Variants in COG6 observed in about 807,000 individuals in gnomAD.
COG6 encodes the protein component of oligomeric golgi complex 6.
Under a neutral mutation model 88.8 loss-of-function variants are expected in COG6, and 74 were observed. The ratio of observed to expected loss-of-function variants is 0.83; its 90% confidence interval spans 0.69 to 1.01. The LOEUF (loss-of-function observed/expected upper bound fraction) is 1.01, where lower values mean the gene tolerates loss of function less well. Ranked by LOEUF, COG6 falls within the 50% of genes least tolerant of loss-of-function variation. The pLI, the probability that COG6 is intolerant of heterozygous loss-of-function variation, is 0.00. For synonymous variants in COG6, 286 were observed against 278.7 expected, an observed-to-expected ratio of 1.03 and a Z score of -0.26; for missense variants, 800 against 797.9, an observed-to-expected ratio of 1.00 and a Z score of -0.03.
chr13:39,734,671 A>T (rs1189644384), intron 18 of COG6, among the ~76,000 whole-genome samples: 1 of 152,120 alleles, frequency 6.6e-6, no homozygotes, highest in Non-Finnish European at 1.5e-5. Context: ...CTCTCTGGGA[A>T]GTCTGTCCAG....
At chr13:39,755,561 A>G (rs889565530), downstream of COG6, among the ~76,000 whole-genome samples, 4 of 152,258 alleles carry the variant, frequency 2.6e-5, no homozygotes, top group African/African-American at 4.8e-5. Flanking sequence ...TGAGATGTTC[A>G]TAAGGACTTT....
At chr13:39,706,255 T>TTATATATATATATATATACTCCTTTA (rs1877902819) in intron 13 of COG6, among the ~76,000 whole-genome samples, 6 of 114,672 alleles carry the variant, frequency 5.2e-5, no homozygotes, top group African/African-American at 1.3e-4. Context: ...ATATACTCCT[T>TTATATATATATATATATACTCCTTTA]TATATATATA....
chr13:39,752,277 T>A lies in COG6; in HGVS notation c.*1184T>A. ...TTGAAAAGTAATAACATAAAACTAG[T>A]ATTTGTAGAAGATTATGTGTTGTAT... On this transcript the variant is annotated 3_prime_UTR_variant, in exon 19 of 19. Transcript: ENST00000455146. 1.1e-6 allele frequency: 1 copy of A among 894,320 alleles called. No individual in the cohort carries two copies. Among genetic ancestry groups the A allele is most frequent in the Non-Finnish European group, 1.5e-6 (1 of 671,516 alleles). The allele number at this position is 894,320 out of a possible 1,614,324, so 55.4% of individuals were successfully genotyped here.
At chr13:39,752,838 T>C (rs933500265), downstream of COG6, among the ~76,000 whole-genome samples, 1 of 152,180 alleles carries the variant, frequency 6.6e-6, no homozygotes, top group Admixed American at 6.6e-5. Flanking sequence ...AACACCTAAA[T>C]TTGCTATTAC....
At chr13:39,760,040 T>G (rs532871086) in intron 18 of COG6, among the ~76,000 whole-genome samples, 1 of 152,228 alleles carries the variant, frequency 6.6e-6, no homozygotes, top group African/African-American at 2.4e-5. Flanking sequence ...TACTTAAATA[T>G]GTTCTTTGTT....
intron 18 of COG6, among the ~76,000 whole-genome samples, chr13:39,763,511 G>C (rs1365158492): frequency 3.3e-5 from 5 of 151,496 alleles, no homozygotes; most frequent in Non-Finnish European, 7.4e-5. Context: ...TTCTGTTCCT[G>C]GTGTGTCATG....
chr13:39,771,927 G>A (rs1267473148), intron 18 of COG6, among the ~76,000 whole-genome samples: 1 of 152,188 alleles, frequency 6.6e-6, no homozygotes, highest in African/African-American at 2.4e-5. Flanking sequence ...AAGGGTGCAA[G>A]GTAGGGGTGA....
At chr13:39,724,458 T>C in intron 16 of COG6, 50 bp from the exon 17 acceptor site, 1 of 1,367,544 alleles carries the variant, frequency 7.3e-7, no homozygotes, top group Non-Finnish European at 1.0e-6. Context: ...GAAATGTATA[T>C]CTCCTTTTTT....
chr13:39,700,143 G>A (rs771963513), intron 13 of COG6, among the ~76,000 whole-genome samples: 14 of 151,784 alleles, frequency 9.2e-5, no homozygotes, highest in Non-Finnish European at 1.6e-4. Context: ...ATTGAGCAGG[G>A]TATTTTGGCA....
At chr13:39,720,365 A>C (rs1258590364) in intron 15 of COG6, among the ~76,000 whole-genome samples, 1 of 152,096 alleles carries the variant, frequency 6.6e-6, no homozygotes, top group African/African-American at 2.4e-5. Flanking sequence ...GACTAAAACA[A>C]AGCCAGTTGT....
At chr13:39,655,942 G>A (rs1874458195) in intron 1 of COG6, 63 bp downstream of exon 1, 2 of 1,552,740 alleles carry the variant, frequency 1.3e-6, no homozygotes, top group Admixed American at 1.9e-5. Context: ...GCCAGGGGCG[G>A]CGTCTGTCAG....
chr13:39,790,614 TCTC>T (rs1881911447), exon 19 of COG6: 1 of 152,112 alleles, frequency 6.6e-6, no homozygotes, highest in Non-Finnish European at 1.5e-5. Flanking sequence ...CTAAGAATCA[TCTC>T]CTGTAGTTAA....
intron 18 of COG6, among the ~76,000 whole-genome samples, chr13:39,727,805 A>G (rs1879218233): frequency 6.6e-6 from 1 of 152,144 alleles, no homozygotes; most frequent in African/African-American, 2.4e-5. Context: ...AATTGAAGCT[A>G]TATAGCTGTA....
At chr13:39,706,435 G>A (rs1291945443) in intron 13 of COG6, among the ~76,000 whole-genome samples, 4 of 151,362 alleles carry the variant, frequency 2.6e-5, no homozygotes, top group Admixed American at 2.6e-4. Flanking sequence ...GAAGATAGCT[G>A]AAAGAATAAA....
intron 4 of COG6, among the ~76,000 whole-genome samples, chr13:39,676,127 A>C (rs187096580): frequency 7.9e-5 from 12 of 152,030 alleles, no homozygotes; most frequent in Admixed American, 2.0e-4. Context: ...AGTAGAACTT[A>C]CTCTTCCTAA....
intron 18 of COG6, among the ~76,000 whole-genome samples, chr13:39,783,642 A>G (rs1037719803): frequency 6.6e-6 from 1 of 152,184 alleles, no homozygotes; most frequent in Non-Finnish European, 1.5e-5. Context: ...ACTACACACC[A>G]ATCCAAACTA....
chr13:39,735,148 T>G (rs1401996230), intron 18 of COG6, among the ~76,000 whole-genome samples: 1 of 152,122 alleles, frequency 6.6e-6, no homozygotes, highest in African/African-American at 2.4e-5. Flanking sequence ...AAAACTTGCT[T>G]TCTTGTTGTT....
chr13:39,716,773 A>G (rs932988258), intron 13 of COG6, among the ~76,000 whole-genome samples: 1 of 152,172 alleles, frequency 6.6e-6, no homozygotes, highest in Non-Finnish European at 1.5e-5. Context: ...ACATAGCTCC[A>G]TTCTCCTCTT....
At chr13:39,663,248 G>A (rs1875025998) in intron 3 of COG6, among the ~76,000 whole-genome samples, 2 of 151,996 alleles carry the variant, frequency 1.3e-5, no homozygotes, top group African/African-American at 2.4e-5. Context: ...CAGGAAATAT[G>A]CAAAAAAATT....
Sources: gnomAD v4.1 joint callset for allele counts (sites outside exome capture counted in the v4.1 genomes callset) on GRCh38, gnomAD v4.1.1 for gene constraint, MANE v1.5 for transcripts, NCBI Gene and HGNC (gene_info 2026-07-23, HGNC 2026-07-21) for gene names.